Variants in CNTN4 observed in about 807,000 individuals in gnomAD.
The protein encoded by CNTN4 is contactin 4.
In CNTN4, 77 loss-of-function variants were observed where a neutral mutation model predicts 122.5. The observed-to-expected ratio is 0.63, with a 90% CI of 0.52 to 0.76. The LOEUF is 0.76. Among genes scored for constraint, CNTN4 ranks in the 30% least tolerant of loss-of-function variants. The pLI is 0.00. For synonymous variants in CNTN4, 512 were observed against 447.0 expected, an observed-to-expected ratio of 1.15 and a Z score of -1.83; for missense variants, 1,256 against 1,259.1, an observed-to-expected ratio of 1.00 and a Z score of 0.04.
intron 2 of CNTN4, among the ~76,000 whole-genome samples, chr3:2,249,885 A>AT (rs2040308551): frequency 6.6e-6 from 1 of 151,722 alleles, no homozygotes; most frequent in African/African-American, 2.4e-5. Context: ...TTGATTTTAG[A>AT]TTTTTTTCAA....
intron 3 of CNTN4, among the ~76,000 whole-genome samples, chr3:2,484,538 T>G (rs2076091246): frequency 6.6e-6 from 1 of 152,146 alleles, no homozygotes; most frequent in African/African-American, 2.4e-5. Flanking sequence ...AAATACTGGC[T>G]CCTATAGGGG....
chr3:3,012,089 T>C (rs1697290845), intron 14 of CNTN4, among the ~76,000 whole-genome samples: 1 of 152,148 alleles, frequency 6.6e-6, no homozygotes, highest in African/African-American at 2.4e-5. Context: ...CATCCAGATT[T>C]TTCTGACTTC....
chr3:2,996,969 G>A (rs150124605), intron 14 of CNTN4, among the ~76,000 whole-genome samples: 156 of 152,068 alleles, frequency 1.0e-3, no homozygotes, highest in Admixed American at 2.1e-3. Context: ...TCTTTTTCTC[G>A]TGCATATCTT....
chr3:2,476,274 T>C (rs1233878221), intron 3 of CNTN4, among the ~76,000 whole-genome samples: 1 of 152,176 alleles, frequency 6.6e-6, no homozygotes, highest in Non-Finnish European at 1.5e-5. Flanking sequence ...GTTAAGTACA[T>C]GGAAGTGGAG....
At chr3:2,838,560 T>TAAA (rs11394928) in intron 7 of CNTN4, among the ~76,000 whole-genome samples, 392 of 127,920 alleles carry the variant, frequency 3.1e-3, no homozygotes, top group Non-Finnish European at 4.9e-3. Flanking sequence ...CTATGGTTTG[T>TAAA]AAAAAAAAAA....
At chr3:2,382,039 G>C (rs1049889693) in intron 3 of CNTN4, among the ~76,000 whole-genome samples, 2 of 151,980 alleles carry the variant, frequency 1.3e-5, no homozygotes, top group African/African-American at 4.8e-5. Context: ...ATTTGCTTAG[G>C]GACATAAGAT....
intron 4 of CNTN4, among the ~76,000 whole-genome samples, chr3:2,637,250 C>G (rs1348428497): frequency 6.6e-6 from 1 of 152,104 alleles, no homozygotes; most frequent in Middle Eastern, 3.2e-3. Context: ...CCTCCATTTT[C>G]TTTACATACA....
rs559908564 is a variant in CNTN4 at position 2,550,508 on chromosome 3, C to T, written c.-88-20908C>T. 6.6e-4 allele frequency among the ~76,000 whole-genome samples: 101 copies of T among 152,148 alleles called. 1 individual carries two copies. Among genetic ancestry groups the T allele is most frequent in the Middle Eastern group, 6.8e-3 (2 of 294 alleles). On this transcript the variant is annotated intron_variant, in intron 3 of 24. Coordinates refer to ENST00000418658, the MANE Select transcript of CNTN4 (RefSeq NM_175607.3). The stretch of plus-strand genomic sequence containing the variant: ...TGCTTTTACACTGTTGGTGGGAGTG[C>T]AAACTAGTTCAACCATTGTGGAAGA...
intron 3 of CNTN4, among the ~76,000 whole-genome samples, chr3:2,492,229 C>T (rs2076338524): frequency 1.3e-5 from 2 of 152,240 alleles, no homozygotes; most frequent in South Asian, 4.1e-4. Flanking sequence ...GCACATGTAC[C>T]TTGCAGATAT....
At chr3:2,426,854 G>T (rs149694575) in intron 3 of CNTN4, among the ~76,000 whole-genome samples, 1,764 of 152,268 alleles carry the variant, frequency 0.012, 31 homozygotes, top group South Asian at 0.065. Flanking sequence ...TAGTTTATTT[G>T]AATAGAAGTG....
At chr3:2,261,699 TC>T (rs1188900318) in intron 2 of CNTN4, among the ~76,000 whole-genome samples, 3 of 152,180 alleles carry the variant, frequency 2.0e-5, no homozygotes, top group Non-Finnish European at 4.4e-5. Flanking sequence ...CCCGCTTGCT[TC>T]ATTGTGCTTT....
At chr3:2,433,407 A>G (rs1047060725) in intron 3 of CNTN4, among the ~76,000 whole-genome samples, 1 of 152,198 alleles carries the variant, frequency 6.6e-6, no homozygotes, top group Non-Finnish European at 1.5e-5. Flanking sequence ...ATGTTTGCAT[A>G]AACCTATTGG....
At chr3:2,392,282 G>A (rs1255885902) in intron 3 of CNTN4, among the ~76,000 whole-genome samples, 1 of 146,820 alleles carries the variant, frequency 6.8e-6, no homozygotes, top group Non-Finnish European at 1.5e-5. Context: ...GTGTAGATTT[G>A]GTGATTTTAT....
chr3:2,734,567 A>C (rs2088943179), intron 4 of CNTN4, among the ~76,000 whole-genome samples: 1 of 151,880 alleles, frequency 6.6e-6, no homozygotes, highest in Non-Finnish European at 1.5e-5. Context: ...GGCCGTCCTC[A>C]GTCCCCAGTA....
At chr3:2,442,869 T>C (rs575287949) in intron 3 of CNTN4, among the ~76,000 whole-genome samples, 5 of 152,308 alleles carry the variant, frequency 3.3e-5, no homozygotes, top group African/African-American at 9.6e-5. Flanking sequence ...AATTTTCAAC[T>C]GGATATCTGC....
chr3:2,312,130 T>C (rs985631807), intron 2 of CNTN4, among the ~76,000 whole-genome samples: 1 of 151,830 alleles, frequency 6.6e-6, no homozygotes, highest in East Asian at 1.9e-4. Context: ...CTGAGTAACA[T>C]AGTGGGACCT....
chr3:3,044,937 G>T (rs889373913), intron 23 of CNTN4, among the ~76,000 whole-genome samples: 3 of 152,216 alleles, frequency 2.0e-5, no homozygotes, highest in African/African-American at 7.2e-5. Flanking sequence ...CTTTTCCAAT[G>T]GTCTTAGCAA....
At chr3:3,029,780 A>G (rs921914288) in intron 15 of CNTN4, among the ~76,000 whole-genome samples, 1 of 152,176 alleles carries the variant, frequency 6.6e-6, no homozygotes, top group African/African-American at 2.4e-5. Flanking sequence ...TAAAATAAGG[A>G]TAACAAGAAT....
At chr3:2,455,195 C>T (rs1487536318) in intron 3 of CNTN4, among the ~76,000 whole-genome samples, 1 of 152,060 alleles carries the variant, frequency 6.6e-6, no homozygotes, top group Non-Finnish European at 1.5e-5. Context: ...AGGGCTGTGG[C>T]AGACAGATAT....
Sources: allele counts gnomAD v4.1 joint callset (sites outside exome capture counted in the v4.1 genomes callset), GRCh38; gene constraint gnomAD v4.1.1; transcripts MANE v1.5; gene names NCBI Gene and HGNC (gene_info 2026-07-23, HGNC 2026-07-21).